Variants in RARB observed in about 807,000 individuals in gnomAD.
RARB encodes the protein HBV-activated protein.
Under a neutral mutation model 51.9 loss-of-function variants are expected in RARB, and 17 were observed. The ratio of observed to expected loss-of-function variants is 0.33; its 90% CI spans 0.22 to 0.49. RARB has a LOEUF of 0.49. RARB is among the 20% of genes least tolerant of loss of function. The pLI, the probability that RARB is intolerant of heterozygous loss-of-function variation, is 0.99. For missense variants in RARB, 369 were observed against 550.8 expected (o/e 0.67, Z 3.30); for synonymous variants, 215 against 195.4 (o/e 1.10, Z -0.84).
At chr3:24,862,073 T>G (rs981145792) in intron 2 of RARB, among the ~76,000 whole-genome samples, 4 of 152,208 alleles carry the variant, frequency 2.6e-5, no homozygotes, top group African/African-American at 9.6e-5. Flanking sequence ...AGCTAACATT[T>G]CCAATGGTAG....
At chr3:25,197,358 C>G (rs1432664612) in intron 5 of RARB, among the ~76,000 whole-genome samples, 2 of 152,012 alleles carry the variant, frequency 1.3e-5, no homozygotes, top group Non-Finnish European at 2.9e-5. Context: ...TCAGGTTTGT[C>G]AAAGATCAGA....
At chr3:24,882,542 G>A (rs976795785) in intron 2 of RARB, among the ~76,000 whole-genome samples, 3 of 152,196 alleles carry the variant, frequency 2.0e-5, no homozygotes, top group Admixed American at 2.0e-4. Context: ...TACAAAGGGT[G>A]ACTGTAGTTA....
At chr3:25,298,433 G>C (rs901544030) in intron 5 of RARB, among the ~76,000 whole-genome samples, 2 of 152,060 alleles carry the variant, frequency 1.3e-5, no homozygotes, top group African/African-American at 4.8e-5. Context: ...ACCTGCCTTG[G>C]CCTCTAGTAC....
intron 1 of RARB, among the ~76,000 whole-genome samples, chr3:24,858,309 G>T (rs1702671891): frequency 6.6e-6 from 1 of 152,036 alleles, no homozygotes; most frequent in Non-Finnish European, 1.5e-5. Context: ...TTGCTATTGG[G>T]TCAAAGGTCC....
chr3:25,038,855 A>G (rs143903762), intron 2 of RARB, among the ~76,000 whole-genome samples: 2 of 152,324 alleles, frequency 1.3e-5, no homozygotes, highest in African/African-American at 4.8e-5. Flanking sequence ...AAAGACAAGG[A>G]GGCATAAACC....
At chr3:25,084,928 T>C (rs1465560577) in intron 3 of RARB, among the ~76,000 whole-genome samples, 1 of 152,198 alleles carries the variant, frequency 6.6e-6, no homozygotes, top group Non-Finnish European at 1.5e-5. Flanking sequence ...TCGGCAGTTT[T>C]GCCATGACTT....
At chr3:25,172,809 T>C (rs1455304649) in intron 4 of RARB, among the ~76,000 whole-genome samples, 1 of 152,240 alleles carries the variant, frequency 6.6e-6, no homozygotes, top group African/African-American at 2.4e-5. Context: ...GTGTTTACTA[T>C]ATACCAGGCA....
intron 2 of RARB, among the ~76,000 whole-genome samples, chr3:25,004,255 G>C (rs1018928898): frequency 6.6e-6 from 1 of 152,122 alleles, no homozygotes; most frequent in Non-Finnish European, 1.5e-5. Flanking sequence ...ACCCTGAAAA[G>C]ATATTTTTCT....
intron 2 of RARB, among the ~76,000 whole-genome samples, chr3:24,884,614 T>C (rs1037649187): frequency 4.6e-5 from 7 of 152,184 alleles, no homozygotes; most frequent in African/African-American, 1.7e-4. Flanking sequence ...CCAATTGCAT[T>C]GTTTCTTACT....
chr3:25,423,331 C>T (rs1002911853), upstream of RARB, among the ~76,000 whole-genome samples: 1 of 152,184 alleles, frequency 6.6e-6, no homozygotes, highest in Non-Finnish European at 1.5e-5. Flanking sequence ...AACAGCTGGC[C>T]ATTGGTTAAA....
At chr3:24,851,070 G>C (rs1023878105) in intron 1 of RARB, among the ~76,000 whole-genome samples, 1 of 152,148 alleles carries the variant, frequency 6.6e-6, no homozygotes, top group Non-Finnish European at 1.5e-5. Flanking sequence ...AAGCAGAATG[G>C]CCATTTAAAT....
intron 3 of RARB, among the ~76,000 whole-genome samples, chr3:25,567,852 C>A (rs1285842657): frequency 6.6e-6 from 1 of 152,172 alleles, no homozygotes; most frequent in Non-Finnish European, 1.5e-5. Flanking sequence ...ATCCTGCGCA[C>A]TCACACACAA....
intron 5 of RARB, among the ~76,000 whole-genome samples, chr3:25,255,250 T>C (rs1335051722): frequency 6.6e-6 from 1 of 152,178 alleles, no homozygotes; most frequent in Admixed American, 6.5e-5. Context: ...ATCCTGGATA[T>C]TTAATCTGTT....
At chr3:25,490,122 C>G (rs1359086621) in intron 2 of RARB, among the ~76,000 whole-genome samples, 1 of 152,204 alleles carries the variant, frequency 6.6e-6, no homozygotes, top group Non-Finnish European at 1.5e-5. Context: ...AAATGCCTGA[C>G]TAGCTTTCCT....
intron 2 of RARB, among the ~76,000 whole-genome samples, chr3:24,895,556 G>C (rs956852114): frequency 1.3e-5 from 2 of 150,486 alleles, no homozygotes; most frequent in African/African-American, 2.4e-5. Flanking sequence ...CAAAATTTAC[G>C]CTTTTTTTTT....
At chr3:25,385,269 C>T (rs1240870174) in intron 5 of RARB, among the ~76,000 whole-genome samples, 3 of 152,312 alleles carry the variant, frequency 2.0e-5, no homozygotes, top group South Asian at 2.1e-4. Flanking sequence ...AAGGACAATA[C>T]AGCCCCCTTT....
At chr3:25,144,336 C>T (rs906361068) in intron 4 of RARB, among the ~76,000 whole-genome samples, 7 of 152,030 alleles carry the variant, frequency 4.6e-5, no homozygotes, top group Non-Finnish European at 1.0e-4. Context: ...GGAAGAGAGG[C>T]TCACACTCCT....
intron 4 of RARB, among the ~76,000 whole-genome samples, chr3:25,160,754 A>T (rs1284622999): frequency 6.6e-6 from 1 of 152,180 alleles, no homozygotes; most frequent in South Asian, 2.1e-4. Flanking sequence ...GCTAAAGTCA[A>T]GGTGCCGCCA....
intron 2 of RARB, among the ~76,000 whole-genome samples, chr3:24,960,090 C>T (rs574386318): frequency 1.3e-5 from 2 of 152,188 alleles, no homozygotes; most frequent in African/African-American, 2.4e-5. Flanking sequence ...ATGTGGAGAC[C>T]TCCTCCTCTT....
Sources: gnomAD v4.1 joint callset for allele counts (sites outside exome capture counted in the v4.1 genomes callset) on GRCh38, gnomAD v4.1.1 for gene constraint, MANE v1.5 for transcripts, NCBI Gene and HGNC (gene_info 2026-07-23, HGNC 2026-07-21) for gene names.